The following CCSER1 variants were observed in gnomAD, a reference collection of about 807,000 sequenced individuals.
CCSER1 encodes serine-rich coiled-coil domain-containing protein 1.
In CCSER1, 41 loss-of-function variants were observed where a neutral mutation model predicts 82.0. That is an observed-to-expected ratio of 0.50 (90% confidence interval 0.39 to 0.65). The LOEUF (loss-of-function observed/expected upper bound fraction) is 0.65. Ranked by LOEUF, CCSER1 falls within the 30% of genes least tolerant of loss-of-function variation. The pLI is 0.00. For synonymous variants in CCSER1, 414 were observed against 383.9 expected, an observed-to-expected ratio of 1.08 and a Z score of -0.92; for missense variants, 1,119 against 1,064.2, an observed-to-expected ratio of 1.05 and a Z score of -0.72.
At chr4:90,824,577 C>G (rs1181394056) in intron 8 of CCSER1, among the ~76,000 whole-genome samples, 1 of 152,030 alleles carries the variant, frequency 6.6e-6, no homozygotes, top group African/African-American at 2.4e-5. Context: ...GCCCTTGATA[C>G]TTTAATAACA....
intron 10 of CCSER1, among the ~76,000 whole-genome samples, chr4:91,189,588 G>A (rs911892801): frequency 1.3e-5 from 2 of 152,090 alleles, no homozygotes; most frequent in Non-Finnish European, 2.9e-5. Flanking sequence ...ATATCCTGGT[G>A]TCCTTGGCCC....
intron 4 of CCSER1, among the ~76,000 whole-genome samples, chr4:90,421,590 G>C (rs2153560931): frequency 6.6e-6 from 1 of 152,204 alleles, no homozygotes; most frequent in East Asian, 1.9e-4. Context: ...GTATGAATGT[G>C]GTTTAAGGCA....
chr4:90,548,789 CAT>C (rs1239602786), intron 5 of CCSER1, among the ~76,000 whole-genome samples: 2 of 151,716 alleles, frequency 1.3e-5, no homozygotes, highest in Non-Finnish European at 2.9e-5. Context: ...CATACACACA[CAT>C]ACTAGCATAT....
intron 4 of CCSER1, among the ~76,000 whole-genome samples, chr4:90,459,697 C>A (rs1228690056): frequency 6.6e-6 from 1 of 151,918 alleles, no homozygotes; most frequent in East Asian, 1.9e-4. Flanking sequence ...TTAGCGCCCA[C>A]CATAATGACA....
intron 1 of CCSER1, among the ~76,000 whole-genome samples, chr4:90,282,367 G>A (rs370982255): frequency 6.6e-6 from 1 of 151,558 alleles, no homozygotes; most frequent in Non-Finnish European, 1.5e-5. Flanking sequence ...CTTAGCAAGT[G>A]TTAAGTAAAA....
At chr4:90,229,448 C>A (rs547462875) in intron 1 of CCSER1, among the ~76,000 whole-genome samples, 56 of 151,910 alleles carry the variant, frequency 3.7e-4, no homozygotes, top group Non-Finnish European at 2.9e-4. Context: ...CGAGGCCTGC[C>A]CTAAAAGTGC....
At chr4:90,671,089 A>G (rs547304357) in intron 6 of CCSER1, among the ~76,000 whole-genome samples, 5 of 152,222 alleles carry the variant, frequency 3.3e-5, no homozygotes, top group African/African-American at 9.6e-5. Flanking sequence ...AAAGAGTTCT[A>G]ATGGTCACCT....
intron 5 of CCSER1, among the ~76,000 whole-genome samples, chr4:90,469,524 A>C (rs867286864): frequency 1.2e-3 from 167 of 136,426 alleles, no homozygotes; most frequent in African/African-American, 4.4e-3. Context: ...TTTCCTGCAA[A>C]ACACACACAC....
At chr4:90,265,513 G>A (rs1013426643) in intron 1 of CCSER1, among the ~76,000 whole-genome samples, 1 of 151,864 alleles carries the variant, frequency 6.6e-6, no homozygotes, top group African/African-American at 2.4e-5. Flanking sequence ...CATTAAAATA[G>A]TCTTAAAGAT....
At chr4:90,615,675 G>GTTTTTTTTTT (rs59211032) in intron 5 of CCSER1, among the ~76,000 whole-genome samples, 1 of 147,440 alleles carries the variant, frequency 6.8e-6, no homozygotes, top group Non-Finnish European at 1.5e-5. Flanking sequence ...AGAAAGTGTT[G>GTTTTTTTTTT]TTTTTTTTTT....
intron 6 of CCSER1, among the ~76,000 whole-genome samples, chr4:90,634,831 GTTTA>G (rs1166397699): frequency 6.6e-6 from 1 of 151,650 alleles, no homozygotes; most frequent in Non-Finnish European, 1.5e-5. Flanking sequence ...CCTTCTTTAT[GTTTA>G]TTTATTTATT....
intron 10 of CCSER1, among the ~76,000 whole-genome samples, chr4:91,087,872 G>A (rs975009915): frequency 2.6e-5 from 4 of 152,070 alleles, no homozygotes; most frequent in African/African-American, 9.7e-5. Flanking sequence ...CTGTGACTAA[G>A]AGGCCTAGTA....
chr4:90,834,267 T>C (rs182469729), intron 8 of CCSER1, among the ~76,000 whole-genome samples: 1 of 152,318 alleles, frequency 6.6e-6, no homozygotes, highest in Admixed American at 6.5e-5. Context: ...CCAAAGTGAA[T>C]AATTTATTTC....
intron 5 of CCSER1, among the ~76,000 whole-genome samples, chr4:90,563,043 T>G (rs1778968650): frequency 6.6e-6 from 1 of 152,050 alleles, no homozygotes; most frequent in Admixed American, 6.5e-5. Context: ...TTTCTAAAAA[T>G]TATTCATAAC....
chr4:90,297,066 C>G (rs1411006327), intron 1 of CCSER1, among the ~76,000 whole-genome samples: 1 of 152,104 alleles, frequency 6.6e-6, no homozygotes, highest in Non-Finnish European at 1.5e-5. Context: ...GGCATTGGAT[C>G]TATAAATTAC....
intron 5 of CCSER1, among the ~76,000 whole-genome samples, chr4:90,491,113 G>A (rs1467516996): frequency 6.6e-6 from 1 of 152,174 alleles, no homozygotes; most frequent in Non-Finnish European, 1.5e-5. Context: ...ACCTTGGGCA[G>A]TATGGCCATT....
At position 90,703,098 on chromosome 4, in the gene CCSER1, T is replaced by G. The variant is rs182602477; in HGVS notation, c.1933-20816T>G. Among the ~76,000 whole-genome samples the G allele has an allele frequency of 1.3e-4, 20 of 152,332 alleles. No homozygotes were observed. The East Asian group carries it at 3.7e-3, about 28-fold the overall frequency. On this transcript the variant is annotated intron_variant, in intron 6 of 10. Coordinates refer to ENST00000509176, the MANE Select transcript of CCSER1 (RefSeq NM_001145065.2). ...AATTTTAGATCTTTCCTGCTTTCTC[T>G]TATGGGCATTTAGTGCTATAAATTT... is the stretch of plus-strand genomic sequence containing the variant.
chr4:91,014,531 A>G (rs575001495), intron 9 of CCSER1, among the ~76,000 whole-genome samples: 1 of 134,598 alleles, frequency 7.4e-6, no homozygotes, highest in African/African-American at 2.5e-5. Context: ...TTGTTTTATT[A>G]CCTAATGAAT....
intron 5 of CCSER1, among the ~76,000 whole-genome samples, chr4:90,516,995 G>C (rs754894349): frequency 1.3e-5 from 2 of 152,060 alleles, no homozygotes; most frequent in African/African-American, 2.4e-5. Flanking sequence ...CTCAACTTAC[G>C]ATGGGGTTAC....
Sources: allele counts gnomAD v4.1 joint callset (sites outside exome capture counted in the v4.1 genomes callset), GRCh38; gene constraint gnomAD v4.1.1; transcripts MANE v1.5; gene names NCBI Gene and HGNC (gene_info 2026-07-23, HGNC 2026-07-21).